Variants in IGF2R observed in about 807,000 individuals in gnomAD.
IGF2R encodes the protein cation-independent mannose-6-phosphate receptor.
Under a neutral mutation model 270.6 loss-of-function variants are expected in IGF2R, and 91 were observed. The ratio of observed to expected loss-of-function variants is 0.34; its 90% CI spans 0.28 to 0.40. IGF2R has a LOEUF of 0.40. IGF2R is among the 10% of genes least tolerant of loss of function. The pLI, the probability that IGF2R is intolerant of heterozygous loss-of-function variation, is 1.00. For synonymous variants in IGF2R, 1,316 were observed against 1,258.9 expected (o/e 1.05, Z -0.96); for missense variants, 2,805 against 3,188.3 (o/e 0.88, Z 2.90).
chr6:159,977,624 C>T (rs1481746382), intron 1 of IGF2R, among the ~76,000 whole-genome samples: 1 of 152,228 alleles, frequency 6.6e-6, no homozygotes. Flanking sequence ...TTTTCCTCCT[C>T]AAGAGGGGTG....
In IGF2R at chr6:160,106,377, A is replaced by G. The variant is rs541396719; in HGVS notation, c.*1293A>G. On this transcript the variant is annotated 3_prime_UTR_variant, in exon 48 of 48. Coordinates refer to ENST00000356956, the MANE Select transcript of IGF2R (RefSeq NM_000876.4). ...AATTGTATATAGACTCTGGTGTTCT[A>G]TTGCTGAGAAGCAAACCGCCCTGCA... 3.9e-5 allele frequency: 6 copies of G among 152,704 alleles called. No homozygotes were observed. The South Asian group carries it at 8.3e-4, about 21-fold the overall frequency. The allele number at this position is 152,704 out of a possible 1,614,324, so 9.5% of individuals were successfully genotyped here.
chr6:160,073,415 G>A lies in IGF2R; in HGVS notation c.4893G>A (p.Lys1631=), dbSNP rs1164495763. Residue 1631 remains lysine, a synonymous_variant, in exon 34 of 48, where the codon AAG becomes AAA. Transcript: ENST00000356956. ...TNRPMLISLD[K]QTCTLFFSWH... ...GGCCCATGCTCATCTCCCTGGACAA[G>A]CAGACATGCACTCTCTTCTTCTCCT... 1.2e-6 allele frequency: 2 copies of A among 1,614,286 alleles called. No individual in the cohort carries two copies. The highest frequency in any genetic ancestry group is 2.2e-5 in the East Asian group (1 of 44,892).
At chr6:160,016,100 C>T (rs563671327) in intron 4 of IGF2R, among the ~76,000 whole-genome samples, 1 of 152,190 alleles carries the variant, frequency 6.6e-6, no homozygotes, top group Admixed American at 6.5e-5. Flanking sequence ...ATACAGACTG[C>T]TTGGGACTGG....
At chr6:160,104,583 C>A in intron 47 of IGF2R, 91 bp from the exon 48 acceptor site, 1 of 1,363,032 alleles carries the variant, frequency 7.3e-7, no homozygotes, top group South Asian at 1.4e-5. Flanking sequence ...CCAGCTCGTG[C>A]CAGCAGAGAG....
At chr6:159,981,081 C>T (rs887863250) in intron 1 of IGF2R, among the ~76,000 whole-genome samples, 3 of 152,182 alleles carry the variant, frequency 2.0e-5, no homozygotes, top group African/African-American at 4.8e-5. Context: ...GGCACTTGCC[C>T]ACCTCCTGGG....
intron 6 of IGF2R, among the ~76,000 whole-genome samples, chr6:160,028,151 A>G (rs991401783): frequency 8.5e-5 from 13 of 152,194 alleles, no homozygotes; most frequent in Admixed American, 7.8e-4. Context: ...TAAAGGCTGC[A>G]TGTCTGAAGA....
chr6:159,993,444 C>T (rs1333410057), intron 2 of IGF2R, among the ~76,000 whole-genome samples: 1 of 152,168 alleles, frequency 6.6e-6, no homozygotes, highest in Non-Finnish European at 1.5e-5. Flanking sequence ...TGTGGCTGTC[C>T]AGTTTTCCCA....
intron 7 of IGF2R, among the ~76,000 whole-genome samples, chr6:160,030,430 T>A (rs913001382): frequency 7.9e-5 from 12 of 152,230 alleles, no homozygotes; most frequent in African/African-American, 2.9e-4. Flanking sequence ...GGCTGGCAGC[T>A]GGCCTGGTGT....
chr6:160,045,647 A>T, intron 13 of IGF2R, 98 bp from the exon 14 acceptor site: 2 of 1,458,500 alleles, frequency 1.4e-6, no homozygotes, highest in South Asian at 2.3e-5. Flanking sequence ...CTCATTTCCC[A>T]CTGTCCCTTC....
chr6:160,028,942 C>T (rs943439702), intron 6 of IGF2R, among the ~76,000 whole-genome samples: 9 of 150,924 alleles, frequency 6.0e-5, no homozygotes, highest in Non-Finnish European at 1.0e-4. Flanking sequence ...TTTTCTCTTT[C>T]CTTATTCTAG....
intron 4 of IGF2R, among the ~76,000 whole-genome samples, chr6:160,012,376 A>T (rs979402595): frequency 6.6e-6 from 1 of 152,176 alleles, no homozygotes; most frequent in African/African-American, 2.4e-5. Flanking sequence ...TTTATAAAGA[A>T]AAGAGGTATA....
At position 160,061,583 on chromosome 6, in the gene IGF2R, G is replaced by A; in HGVS notation, c.3343G>A (p.Gly1115Arg). The change falls in exon 24 of 48, where the codon GGG (glycine) becomes AGG (arginine). Residue 1115 changes from glycine to arginine, a missense_variant. Transcript: ENST00000356956. Reference protein sequence around the residue: ...PWTAVDTSVDGRKRTFYLSVC... With the variant: ...PWTAVDTSVDRRKRTFYLSVC... Reference sequence around the variant, plus strand: ...GACGGCTGTTGACACCTCTGTCGATGGGAGAAAGAGGACTTTCTATTTGAG... The same window carrying A: ...GACGGCTGTTGACACCTCTGTCGATAGGAGAAAGAGGACTTTCTATTTGAG... 6.2e-7 allele frequency: 1 copy of A among 1,613,606 alleles called. No individual in the cohort carries two copies. Among genetic ancestry groups the A allele is most frequent in the African/African-American group, 1.3e-5 (1 of 75,040 alleles).
At chr6:159,993,213 T>A (rs1204999743) in intron 2 of IGF2R, among the ~76,000 whole-genome samples, 1 of 152,260 alleles carries the variant, frequency 6.6e-6, no homozygotes, top group East Asian at 1.9e-4. Context: ...CTGTTTACTC[T>A]GCTGTGCAGA....
At position 160,009,004 on chromosome 6, in the gene IGF2R, A is replaced by G; in HGVS notation, c.290-6A>G. The G allele has an allele frequency of 6.2e-7, 1 of 1,613,814 alleles. No individual in the cohort carries two copies. Among genetic ancestry groups the G allele is most frequent in the Non-Finnish European group, 8.5e-7 (1 of 1,179,812 alleles). ...AGCCTGTTCACTCTCTTTTCTCTCCAAATAGGTGACTCTGTTTTGAGAAGT... is the reference window on the plus strand; with the variant it reads ...AGCCTGTTCACTCTCTTTTCTCTCCGAATAGGTGACTCTGTTTTGAGAAGT... On this transcript the variant is annotated splice_region_variant and splice_polypyrimidine_tract_variant and intron_variant, in intron 2 of 47. Coordinates refer to ENST00000356956, the MANE Select transcript of IGF2R (RefSeq NM_000876.4).
chr6:160,041,929 C>T (rs925844332), intron 11 of IGF2R, among the ~76,000 whole-genome samples: 1 of 151,744 alleles, frequency 6.6e-6, no homozygotes, highest in Admixed American at 6.6e-5. Context: ...TTTGCTTGAG[C>T]GAGCTGCTCT....
intron 31 of IGF2R, among the ~76,000 whole-genome samples, chr6:160,070,908 C>G (rs568734495): frequency 2.0e-5 from 3 of 152,170 alleles, no homozygotes; most frequent in African/African-American, 4.8e-5. Flanking sequence ...AGGCTTAGTC[C>G]AGACTCATGA....
intron 19 of IGF2R, among the ~76,000 whole-genome samples, chr6:160,052,204 A>C (rs1778215405): frequency 6.6e-6 from 1 of 152,226 alleles, no homozygotes; most frequent in South Asian, 2.1e-4. Context: ...ATCCTGTTTC[A>C]AAATAGTAAT....
chr6:160,043,051 C>T, intron 11 of IGF2R, 97 bp from the exon 12 acceptor site: 1 of 1,372,158 alleles, frequency 7.3e-7, no homozygotes, highest in Non-Finnish European at 1.0e-6. Flanking sequence ...GGTTTGGGAA[C>T]TTTGAGCCCT....
chr6:160,091,375 C>T (rs1017269143), intron 44 of IGF2R, among the ~76,000 whole-genome samples: 11 of 148,380 alleles, frequency 7.4e-5, no homozygotes, highest in African/African-American at 1.2e-4. Flanking sequence ...TGGTGCTGAG[C>T]GCATCGCCGA....
Sources: gnomAD v4.1 joint callset for allele counts (sites outside exome capture counted in the v4.1 genomes callset) on GRCh38, gnomAD v4.1.1 for gene constraint, MANE v1.5 for transcripts, NCBI Gene and HGNC (gene_info 2026-07-23, HGNC 2026-07-21) for gene names.